FAXC: variants seen among roughly 807,000 people sequenced by gnomAD.
FAXC encodes failed axon connections homolog, metaxin like GST domain containing, also known as failed axon connections homolog.
Under a neutral mutation model 41.9 loss-of-function variants are expected in FAXC, and 10 were observed. That is an observed-to-expected ratio of 0.24 (90% CI 0.15 to 0.41). The LOEUF is 0.41. FAXC is among the 10% of genes least tolerant of loss of function. The pLI, the probability that FAXC is intolerant of heterozygous loss-of-function variation, is 1.00. For synonymous variants in FAXC, 183 were observed against 183.8 expected, an observed-to-expected ratio of 1.00 and a Z score of 0.03; for missense variants, 399 against 510.9, an observed-to-expected ratio of 0.78 and a Z score of 2.11.
At position 99,277,558 on chromosome 6, in the gene FAXC, A is replaced by C. The variant is rs1203851039; in HGVS notation, c.*3606T>G. 6.6e-6 allele frequency: 1 copy of C among 152,232 alleles called. No individual in the cohort carries two copies. Among genetic ancestry groups the C allele is most frequent in the Non-Finnish European group, 1.5e-5 (1 of 68,058 alleles). 9.4% of individuals were successfully genotyped at this position (152,232 alleles called of 1,614,324 possible). On this transcript the variant is annotated 3_prime_UTR_variant, in exon 6 of 6. Transcript: ENST00000389677. Reference sequence around the variant, plus strand: ...GGGAATCCATCTTGCTATTCTTCAGAGTCTAGCAATACCCTGCACTGATGA... The same window carrying C: ...GGGAATCCATCTTGCTATTCTTCAGCGTCTAGCAATACCCTGCACTGATGA...
chr6:99,301,928 C>A (rs1045676634), intron 4 of FAXC, among the ~76,000 whole-genome samples: 1 of 152,202 alleles, frequency 6.6e-6, no homozygotes, highest in African/African-American at 2.4e-5. Flanking sequence ...TTGCTGTCTG[C>A]ATAATAAGTT....
chr6:99,326,662 A>G (rs1772815683), intron 3 of FAXC, among the ~76,000 whole-genome samples: 1 of 152,144 alleles, frequency 6.6e-6, no homozygotes, highest in Non-Finnish European at 1.5e-5. Flanking sequence ...GGAAGTCTCT[A>G]GAGTGTTGAG....
intron 1 of FAXC, 25 bp downstream of exon 1, chr6:99,349,082 G>C: frequency 1.2e-6 from 2 of 1,609,902 alleles, no homozygotes; most frequent in Non-Finnish European, 8.5e-7. Context: ...CTGCGCCCCT[G>C]TGCGGGGCCC....
At chr6:99,296,974 G>A (rs1771522234) in intron 4 of FAXC, among the ~76,000 whole-genome samples, 1 of 152,210 alleles carries the variant, frequency 6.6e-6, no homozygotes, top group Non-Finnish European at 1.5e-5. Context: ...GGCACCCAAG[G>A]ATGACCAAAA....
At chr6:99,325,574 G>C (rs1411179900) in intron 3 of FAXC, among the ~76,000 whole-genome samples, 2 of 152,180 alleles carry the variant, frequency 1.3e-5, no homozygotes, top group Non-Finnish European at 2.9e-5. Context: ...ATACAGAATA[G>C]CTCACATTTT....
chr6:99,348,318 C>T (rs1773668834), intron 1 of FAXC, among the ~76,000 whole-genome samples: 1 of 152,166 alleles, frequency 6.6e-6, no homozygotes, highest in South Asian at 2.1e-4. Flanking sequence ...TGTCTCAGTG[C>T]CCTGTGGTAT....
intron 4 of FAXC, among the ~76,000 whole-genome samples, chr6:99,315,159 G>T (rs1772293197): frequency 6.8e-6 from 1 of 146,114 alleles, no homozygotes; most frequent in African/African-American, 2.5e-5. Context: ...CTTGAACTTG[G>T]GAGGCGGAGA....
intron 4 of FAXC, among the ~76,000 whole-genome samples, chr6:99,302,209 T>C (rs1172824088): frequency 6.6e-6 from 1 of 152,192 alleles, no homozygotes; most frequent in African/African-American, 2.4e-5. Context: ...CATGGACCTC[T>C]CCATAGATCA....
At position 99,349,460 on chromosome 6, in the gene FAXC, C is replaced by CGCGCGGAGG. The variant is rs1773719014; in HGVS notation, c.-97_-89dup. On this transcript the variant is annotated 5_prime_UTR_variant, in exon 1 of 6. Coordinates refer to ENST00000389677, the MANE Select transcript of FAXC (RefSeq NM_032511.4). The stretch of plus-strand genomic sequence containing the variant: ...GCGCGGCCCGGCGCGGGCTCAGAGG[C>CGCGCGGAGG]GCGCGGAGGGCGCGGGCGGCGCGGG... The CGCGCGGAGG allele has an allele frequency of 1.0e-6, 1 of 1,002,936 alleles. No homozygotes were observed. Among genetic ancestry groups the CGCGCGGAGG allele is most frequent in the Non-Finnish European group, 1.2e-6 (1 of 837,206 alleles). The allele number at this position is 1,002,936 out of a possible 1,614,324, so 62.1% of individuals were successfully genotyped here. A position where few individuals can be genotyped will look rare whatever the true frequency, so the allele number is the denominator to read the frequency against.
chr6:99,340,474 T>C (rs1266537256), intron 2 of FAXC, among the ~76,000 whole-genome samples: 1 of 151,992 alleles, frequency 6.6e-6, no homozygotes, highest in Non-Finnish European at 1.5e-5. Context: ...ATAACTATAT[T>C]CTCAGGCATG....
chr6:99,328,574 C>A lies in FAXC; in HGVS notation c.599+4777G>T, dbSNP rs186099185. ...ACGGCCTAATATACTCCCCAAATGC[C>A]TCCTTCTTGCCTCTAAACTTGTGCA... On this transcript the variant is annotated intron_variant, in intron 3 of 5. Coordinates refer to ENST00000389677, the MANE Select transcript of FAXC (RefSeq NM_032511.4). 1.6e-3 allele frequency among the ~76,000 whole-genome samples: 238 copies of A among 152,328 alleles called. 1 individual carries two copies. Among genetic ancestry groups the A allele is most frequent in the Non-Finnish European group, 2.4e-3 (162 of 68,028 alleles).
At chr6:99,342,737 C>T (rs1773468354) in intron 2 of FAXC, among the ~76,000 whole-genome samples, 161 bp downstream of exon 2, 1 of 152,196 alleles carries the variant, frequency 6.6e-6, no homozygotes, top group Non-Finnish European at 1.5e-5. Flanking sequence ...ACCCTGGAAT[C>T]AAGTATTTTA....
intron 5 of FAXC, among the ~76,000 whole-genome samples, chr6:99,288,859 TACACACAC>T (rs55895848): frequency 2.7e-5 from 4 of 145,852 alleles, no homozygotes; most frequent in Non-Finnish European, 4.5e-5. Flanking sequence ...CACACACACA[TACACACAC>T]ACACACACAC....
intron 3 of FAXC, among the ~76,000 whole-genome samples, chr6:99,324,024 A>G (rs1772692203): frequency 1.3e-5 from 2 of 152,120 alleles, no homozygotes; most frequent in African/African-American, 4.8e-5. Context: ...CAGAAGAGTG[A>G]GCACCCATGG....
chr6:99,287,715 C>G (rs1346834952), intron 5 of FAXC, among the ~76,000 whole-genome samples: 1 of 152,190 alleles, frequency 6.6e-6, no homozygotes, highest in Non-Finnish European at 1.5e-5. Flanking sequence ...TCTAAAATCT[C>G]CAGGCTACTT....
chr6:99,346,822 C>T (rs932301706), intron 1 of FAXC, among the ~76,000 whole-genome samples: 11 of 152,200 alleles, frequency 7.2e-5, no homozygotes, highest in African/African-American at 2.7e-4. Flanking sequence ...GCTGCAATTT[C>T]CTTATCTATG....
At chr6:99,347,918 A>C (rs1562191253) in intron 1 of FAXC, among the ~76,000 whole-genome samples, 1 of 152,238 alleles carries the variant, frequency 6.6e-6, no homozygotes, top group Non-Finnish European at 1.5e-5. Context: ...ATGTGCAACA[A>C]GCTTAAAATA....
chr6:99,342,951 G>C lies in FAXC; in HGVS notation c.349C>G (p.Pro117Ala). Reference protein sequence around the residue: ...RPNNGVPSLSPFCLKMETYLR... With the variant: ...RPNNGVPSLSAFCLKMETYLR... ...TAAGTTTCCATCTTTAAACAGAAAG[G>C]AGATAAACTTGGAACACCATTGTTA... The change falls in exon 2 of 6, where the codon CCT (proline) becomes GCT (alanine). Residue 117 changes from proline to alanine, a missense_variant. Physicochemically the swap from Pro to Ala is conservative, Grantham distance 27 (BLOSUM62 -1). Transcript: ENST00000389677. 6.2e-7 allele frequency: 1 copy of C among 1,612,542 alleles called. No homozygotes were observed. The highest frequency in any genetic ancestry group is 1.3e-5 in the African/African-American group (1 of 74,970).
intron 2 of FAXC, among the ~76,000 whole-genome samples, chr6:99,333,914 CAA>C (rs2128462937): frequency 6.6e-6 from 1 of 152,188 alleles, no homozygotes; most frequent in Non-Finnish European, 1.5e-5. Flanking sequence ...TTCAAAAACT[CAA>C]AAAGTCAATA....
Sources: allele counts gnomAD v4.1 joint callset (sites outside exome capture counted in the v4.1 genomes callset), GRCh38; gene constraint gnomAD v4.1.1; transcripts MANE v1.5; gene names NCBI Gene and HGNC (gene_info 2026-07-23, HGNC 2026-07-21).